Variants in EYS observed in about 807,000 individuals in gnomAD.
The protein encoded by EYS is EGF-like photoreceptor maintenance factor, also known as protein eyes shut homolog.
EYS carries 250 observed loss-of-function variants against 282.1 expected under a neutral mutation model. The ratio of observed to expected loss-of-function variants is 0.89; its 90% CI spans 0.80 to 0.98. The LOEUF is 0.98. Among genes scored for constraint, EYS ranks in the 50% least tolerant of loss-of-function variants. The pLI is 0.00. For synonymous variants in EYS, 1,355 were observed against 1,282.9 expected, an observed-to-expected ratio of 1.06 and a Z score of -1.20; for missense variants, 4,016 against 3,709.0, an observed-to-expected ratio of 1.08 and a Z score of -2.15.
At chr6:65,113,499 C>A (rs1775279677) in intron 12 of EYS, among the ~76,000 whole-genome samples, 1 of 151,902 alleles carries the variant, frequency 6.6e-6, no homozygotes, top group Non-Finnish European at 1.5e-5. Context: ...TAGTATGGAT[C>A]CTTAAGACAA....
intron 22 of EYS, among the ~76,000 whole-genome samples, chr6:64,728,226 G>T (rs935785135): frequency 1.3e-5 from 2 of 152,088 alleles, no homozygotes; most frequent in African/African-American, 4.8e-5. Context: ...CCCAGAGGAT[G>T]TGAGTTACAG....
intron 18 of EYS, among the ~76,000 whole-genome samples, chr6:64,892,259 T>G (rs938475593): frequency 1.3e-5 from 2 of 151,972 alleles, no homozygotes; most frequent in South Asian, 2.1e-4. Flanking sequence ...TAAGTAGATG[T>G]ATTATTTGTA....
intron 5 of EYS, chr6:65,490,311 G>A (rs1046692064): frequency 4.1e-6 from 1 of 243,238 alleles, no homozygotes; most frequent in African/African-American, 2.2e-5. Context: ...CAAATTCATT[G>A]GTCATAAATG....
At chr6:65,591,541 A>AT (rs1337318886) in intron 2 of EYS, among the ~76,000 whole-genome samples, 1 of 151,814 alleles carries the variant, frequency 6.6e-6, no homozygotes, top group Non-Finnish European at 1.5e-5. Flanking sequence ...TTCTTGGTTT[A>AT]TTTTCTTGCC....
rs545185586 is a variant in EYS, at chr6:65,148,395, A to C, written c.2024-90668T>G. Among the ~76,000 whole-genome samples, 9 of 152,242 alleles carry C rather than the reference A, an allele frequency of 5.9e-5. No individual in the cohort carries two copies. The East Asian group carries it at 1.6e-3, about 26-fold the overall frequency. ...CTGAAATCCAATAGAACAGACATTA[A>C]ACCTTAAAGTTCCAAAATGATCTCC... On this transcript the variant is annotated intron_variant, in intron 12 of 42. Transcript: ENST00000503581.
chr6:63,727,757 C>A (rs1768675180), intron 41 of EYS, among the ~76,000 whole-genome samples: 3 of 66,664 alleles, frequency 4.5e-5, no homozygotes, highest in African/African-American at 8.4e-5. Flanking sequence ...TATATGTTAG[C>A]TGGGCATGGT....
intron 35 of EYS, among the ~76,000 whole-genome samples, chr6:63,976,291 T>G (rs1766834149): frequency 6.6e-6 from 1 of 152,058 alleles, no homozygotes; most frequent in South Asian, 2.1e-4. Flanking sequence ...AAAGTAATTG[T>G]GCTATGATGT....
chr6:64,509,098 T>C (rs1242299140), intron 26 of EYS, among the ~76,000 whole-genome samples: 2 of 152,178 alleles, frequency 1.3e-5, no homozygotes, highest in Admixed American at 1.3e-4. Context: ...AAAATGTTAG[T>C]TTTAAATTTT....
intron 19 of EYS, among the ~76,000 whole-genome samples, chr6:64,871,111 T>G (rs563823237): frequency 6.6e-6 from 1 of 152,046 alleles, no homozygotes; most frequent in African/African-American, 2.4e-5. Flanking sequence ...CGCTCAAAAT[T>G]AAGTTTCTAC....
At chr6:63,951,011 G>A (rs956939723) in intron 35 of EYS, among the ~76,000 whole-genome samples, 6 of 151,974 alleles carry the variant, frequency 3.9e-5, no homozygotes, top group Non-Finnish European at 7.4e-5. Flanking sequence ...TGATCACCAC[G>A]GGGATGCCTG....
chr6:64,307,449 A>T (rs1769496223), intron 29 of EYS, among the ~76,000 whole-genome samples: 1 of 152,110 alleles, frequency 6.6e-6, no homozygotes. Flanking sequence ...GTTAGACACA[A>T]ACATATGTGA....
chr6:63,926,195 G>A (rs1438077165), intron 35 of EYS, among the ~76,000 whole-genome samples: 1 of 152,154 alleles, frequency 6.6e-6, no homozygotes, highest in Non-Finnish European at 1.5e-5. Context: ...GTTCAATTCT[G>A]TGGAAAGTGG....
intron 35 of EYS, among the ~76,000 whole-genome samples, chr6:63,939,537 C>T (rs1765171035): frequency 6.6e-6 from 1 of 151,918 alleles, no homozygotes; most frequent in Non-Finnish European, 1.5e-5. Flanking sequence ...GGTTTGTTTT[C>T]CATAATTAAT....
In EYS at chr6:65,663,774, C is replaced by T. The variant is rs112130737; in HGVS notation, c.-447-23882G>A. Among the ~76,000 whole-genome samples the T allele has an allele frequency of 7.2e-4, 109 of 151,672 alleles. 1 individual carries two copies. Among genetic ancestry groups the T allele is most frequent in the Non-Finnish European group, 5.3e-4 (36 of 67,892 alleles). On this transcript the variant is annotated intron_variant, in intron 1 of 42. Coordinates refer to ENST00000503581, the MANE Select transcript of EYS (RefSeq NM_001142800.2). ...TCAGCTCACTGCAAGCTCCGCCTCC[C>T]GGGTTCAGGCCATTTCCTGCCTCAG...
intron 12 of EYS, among the ~76,000 whole-genome samples, chr6:65,193,523 T>C (rs1765693420): frequency 6.6e-6 from 1 of 151,870 alleles, no homozygotes; most frequent in African/African-American, 2.4e-5. Context: ...TTTTTTTTTC[T>C]ACTGGAAGTT....
intron 26 of EYS, among the ~76,000 whole-genome samples, chr6:64,474,069 C>G (rs1209586896): frequency 1.3e-5 from 2 of 152,158 alleles, no homozygotes; most frequent in Non-Finnish European, 2.9e-5. Flanking sequence ...AGGCCCTCTT[C>G]TTTGATCATC....
chr6:64,241,524 A>G (rs1271282868), intron 30 of EYS, among the ~76,000 whole-genome samples: 1 of 151,678 alleles, frequency 6.6e-6, no homozygotes, highest in South Asian at 2.1e-4. Flanking sequence ...TTTGCGTAGT[A>G]TTCTCTGATG....
intron 33 of EYS, among the ~76,000 whole-genome samples, chr6:64,057,764 A>T (rs895240390): frequency 6.6e-6 from 1 of 152,164 alleles, no homozygotes; most frequent in African/African-American, 2.4e-5. Context: ...ACACTCAAAA[A>T]TCAAACATAT....
intron 30 of EYS, among the ~76,000 whole-genome samples, chr6:64,248,727 CT>C (rs902906910): frequency 6.2e-4 from 94 of 152,118 alleles, no homozygotes; most frequent in African/African-American, 2.1e-3. Context: ...AATCCTACTA[CT>C]GGGTATATGT....
Sources: gnomAD v4.1 joint callset for allele counts (sites outside exome capture counted in the v4.1 genomes callset) on GRCh38, gnomAD v4.1.1 for gene constraint, MANE v1.5 for transcripts, NCBI Gene and HGNC (gene_info 2026-07-23, HGNC 2026-07-21) for gene names.